Variants in ATXN7 observed in about 807,000 individuals in gnomAD.
ATXN7 encodes the protein ataxin-7.
In ATXN7, 12 loss-of-function variants were observed where a neutral mutation model predicts 70.5. That is an observed-to-expected ratio of 0.17 (90% CI 0.11 to 0.28). The LOEUF (loss-of-function observed/expected upper bound fraction) is 0.28, where lower values mean the gene tolerates loss of function less well. ATXN7 is among the 10% of genes least tolerant of loss of function. The pLI is 1.00. For synonymous variants in ATXN7, 498 were observed against 448.7 expected (o/e 1.11, Z -1.39); for missense variants, 1,256 against 1,131.7 (o/e 1.11, Z -1.58).
At position 63,912,646 on chromosome 3, in the gene ATXN7, GGCGGCGGCGGCGGGCGGAGCA is replaced by G. The variant is rs1397629997; in HGVS notation, c.54_74del (p.Gly21_Ala27del). 8 of 989,646 alleles carry G rather than the reference GGCGGCGGCGGCGGGCGGAGCA, an allele frequency of 8.1e-6. No individual in the cohort carries two copies. Among genetic ancestry groups the G allele is most frequent in the Non-Finnish European group, 9.8e-6 (8 of 820,140 alleles). The allele number at this position is 989,646 out of a possible 1,614,324, so 61.3% of individuals were successfully genotyped here. On this transcript the variant is annotated inframe_deletion, in exon 3 of 13. Coordinates refer to ENST00000674280, the MANE Select transcript of ATXN7 (RefSeq NM_001377405.1). ...ACGTCAGGGGGGAGCCGCGCCGCGC[GGCGGCGGCGGCGGGCGGAGCA>G]GCGGCCGCGGCCGCCCGGCAGCAGC...
At chr3:63,922,056 CAG>C (rs1237946295) in intron 4 of ATXN7, among the ~76,000 whole-genome samples, 3 of 151,728 alleles carry the variant, frequency 2.0e-5, no homozygotes, top group African/African-American at 7.3e-5. Flanking sequence ...TCTTTTGAAA[CAG>C]GGTCTTGCTG....
intron 5 of ATXN7, among the ~76,000 whole-genome samples, chr3:63,974,684 G>C (rs916364741): frequency 6.6e-6 from 1 of 152,234 alleles, no homozygotes; most frequent in Non-Finnish European, 1.5e-5. Context: ...CCCGTAGCAT[G>C]GTGCCTGGCA....
rs1346289544 is a variant in ATXN7, at chr3:63,912,760, G to A, written c.162G>A (p.Pro54=). ...QPQRQQHPPP[P]PRRTRPEDGG... ...AGCGGCAGCAGCACCCGCCACCGCC[G>A]CCACGGCGCACACGGCCGGAGGACG... Residue 54 remains proline (P), a synonymous_variant, in exon 3 of 13, where the codon CCG becomes CCA. Coordinates refer to ENST00000674280, the MANE Select transcript of ATXN7 (RefSeq NM_001377405.1). 1.6e-5 allele frequency: 22 copies of A among 1,335,414 alleles called. No individual in the cohort carries two copies. The Admixed American group carries it at 7.8e-4, about 47-fold the overall frequency. 82.7% of individuals were successfully genotyped at this position (1,335,414 alleles called of 1,614,324 possible). A position where few individuals can be genotyped will look rare whatever the true frequency, so the allele number is the denominator to read the frequency against.
chr3:63,896,046 G>A (rs947027510), intron 1 of ATXN7, among the ~76,000 whole-genome samples: 1 of 152,080 alleles, frequency 6.6e-6, no homozygotes, highest in Non-Finnish European at 1.5e-5. Flanking sequence ...CGTGTGTCCA[G>A]CTTTGACAAA....
rs563108465 is a variant in ATXN7 at position 63,869,520 on chromosome 3, G to T, written c.-111+5362G>T. On this transcript the variant is annotated intron_variant, in intron 1 of 12. Transcript: ENST00000674280. ...CTCACTGCAACTCCTGCCTCCCAGGGTTCAAGCTATTCTCGTGCCTCAGCC... is the reference window on the plus strand; with the variant it reads ...CTCACTGCAACTCCTGCCTCCCAGGTTTCAAGCTATTCTCGTGCCTCAGCC... Among the ~76,000 whole-genome samples, 138 of 152,210 alleles carry T rather than the reference G, an allele frequency of 9.1e-4. 1 individual carries two copies. The highest frequency in any genetic ancestry group is 1.9e-3 in the South Asian group (9 of 4,822).
intron 1 of ATXN7, among the ~76,000 whole-genome samples, chr3:63,884,252 C>G (rs1703010302): frequency 6.6e-6 from 1 of 151,756 alleles, no homozygotes; most frequent in Non-Finnish European, 1.5e-5. Flanking sequence ...TACTCTCACA[C>G]ACACACACAC....
intron 5 of ATXN7, among the ~76,000 whole-genome samples, chr3:63,973,339 A>G (rs2075343872): frequency 1.3e-5 from 2 of 152,134 alleles, no homozygotes; most frequent in African/African-American, 4.8e-5. Flanking sequence ...GACTCGAAGC[A>G]TGCATATTGT....
chr3:63,927,520 T>C (rs932744867), intron 4 of ATXN7, among the ~76,000 whole-genome samples: 1 of 152,240 alleles, frequency 6.6e-6, no homozygotes, highest in Non-Finnish European at 1.5e-5. Context: ...CTGTTGGTGA[T>C]AGAGTGTGGT....
intron 1 of ATXN7, among the ~76,000 whole-genome samples, chr3:63,876,355 G>A (rs978255562): frequency 6.6e-5 from 10 of 151,914 alleles, no homozygotes; most frequent in African/African-American, 1.9e-4. Context: ...CCTCCACTCC[G>A]TACCCTGTTT....
intron 4 of ATXN7, among the ~76,000 whole-genome samples, chr3:63,917,376 T>A (rs1704323476): frequency 6.6e-6 from 1 of 152,220 alleles, no homozygotes; most frequent in Non-Finnish European, 1.5e-5. Context: ...GTTAACAAAA[T>A]TATGTTTAGA....
chr3:63,869,873 T>C (rs1702545265), intron 1 of ATXN7, among the ~76,000 whole-genome samples: 1 of 152,222 alleles, frequency 6.6e-6, no homozygotes, highest in Admixed American at 6.5e-5. Context: ...TGATGACCTA[T>C]TGGACTTCTC....
chr3:63,979,810 A>G (rs943107536), intron 5 of ATXN7, 105 bp from the exon 6 acceptor site: 2 of 1,488,804 alleles, frequency 1.3e-6, no homozygotes, highest in African/African-American at 1.4e-5. Context: ...TCACTTAACG[A>G]CACGTGTTTT....
At chr3:63,953,652 A>G (rs900687534) in intron 5 of ATXN7, among the ~76,000 whole-genome samples, 6 of 148,930 alleles carry the variant, frequency 4.0e-5, no homozygotes, top group African/African-American at 1.5e-4. Context: ...GCTTTGAGAT[A>G]CTTCTTTTTT....
chr3:63,885,343 G>A (rs1027603079), intron 1 of ATXN7, among the ~76,000 whole-genome samples: 1 of 152,142 alleles, frequency 6.6e-6, no homozygotes, highest in Non-Finnish European at 1.5e-5. Flanking sequence ...ATGAAAAGAT[G>A]CTCAATATCA....
At chr3:63,925,207 G>A (rs1704668693) in intron 4 of ATXN7, among the ~76,000 whole-genome samples, 2 of 152,182 alleles carry the variant, frequency 1.3e-5, no homozygotes, top group African/African-American at 4.8e-5. Context: ...TCTGTTCACA[G>A]TAAGAGGAAG....
chr3:63,956,919 C>G (rs2075049116), intron 5 of ATXN7, among the ~76,000 whole-genome samples: 1 of 152,130 alleles, frequency 6.6e-6, no homozygotes, highest in Non-Finnish European at 1.5e-5. Flanking sequence ...GTCAGAAGCC[C>G]CATTCTTTTG....
chr3:63,959,995 G>A (rs1334946659), intron 5 of ATXN7, among the ~76,000 whole-genome samples: 2 of 152,168 alleles, frequency 1.3e-5, no homozygotes, highest in African/African-American at 4.8e-5. Context: ...TTAAGGAGGA[G>A]AGAGAAAAAT....
intron 1 of ATXN7, among the ~76,000 whole-genome samples, chr3:63,892,595 A>G (rs1703316211): frequency 6.6e-6 from 1 of 152,124 alleles, no homozygotes; most frequent in South Asian, 2.1e-4. Flanking sequence ...TGATGTCTAT[A>G]GGTGAGTTTG....
intron 4 of ATXN7, among the ~76,000 whole-genome samples, chr3:63,936,341 G>T (rs964892756): frequency 6.6e-6 from 1 of 152,122 alleles, no homozygotes; most frequent in Non-Finnish European, 1.5e-5. Flanking sequence ...CAGTGACACA[G>T]CTTACTGTGT....
Sources: allele counts gnomAD v4.1 joint callset (sites outside exome capture counted in the v4.1 genomes callset), GRCh38; gene constraint gnomAD v4.1.1; transcripts MANE v1.5; gene names NCBI Gene and HGNC (gene_info 2026-07-23, HGNC 2026-07-21).